Variants in SLC2A9 observed in about 807,000 individuals in gnomAD.
SLC2A9 encodes solute carrier family 2 member 9, also known as solute carrier family 2, facilitated glucose transporter member 9.
A neutral mutation model predicts 50.6 loss-of-function variants in SLC2A9; 39 were observed. That is an observed-to-expected ratio of 0.77 (90% CI 0.60 to 1.01). SLC2A9 has a LOEUF of 1.01. Ranked by LOEUF, SLC2A9 falls within the 50% of genes least tolerant of loss-of-function variation. SLC2A9 has a pLI of 0.00. For synonymous variants in SLC2A9, 324 were observed against 276.9 expected (o/e 1.17, Z -1.69); for missense variants, 686 against 677.6 (o/e 1.01, Z -0.14).
At chr4:9,930,193 T>C (rs1745645597) in intron 6 of SLC2A9, among the ~76,000 whole-genome samples, 2 of 152,154 alleles carry the variant, frequency 1.3e-5, no homozygotes, top group African/African-American at 4.8e-5. Flanking sequence ...TCATCTGAAA[T>C]TGAAAGACAC....
chr4:9,912,082 T>C lies in SLC2A9; in HGVS notation c.1003-3737A>G, dbSNP rs147246361. Among the ~76,000 whole-genome samples the C allele has an allele frequency of 2.2e-3, 334 of 152,196 alleles. 12 individuals are homozygous for C. The East Asian group carries it at 0.06, about 27-fold the overall frequency. Reference sequence around the variant, plus strand: ...GCATATTCTCACTCATAGGTGGGAATTGAACAATAAGAACACATGGACACA... The same window carrying C: ...GCATATTCTCACTCATAGGTGGGAACTGAACAATAAGAACACATGGACACA... On this transcript the variant is annotated intron_variant, in intron 7 of 11. Coordinates refer to ENST00000264784, the MANE Select transcript of SLC2A9 (RefSeq NM_020041.3).
upstream of SLC2A9, among the ~76,000 whole-genome samples, chr4:10,024,588 T>C (rs1763692958): frequency 2.0e-5 from 3 of 152,176 alleles, no homozygotes; most frequent in South Asian, 6.2e-4. Context: ...AGACAATACA[T>C]TTCTGTTGTT....
At chr4:9,893,435 C>T (rs1010780979) in intron 8 of SLC2A9, among the ~76,000 whole-genome samples, 5 of 151,914 alleles carry the variant, frequency 3.3e-5, no homozygotes, top group African/African-American at 1.2e-4. Flanking sequence ...TTCAAGAATA[C>T]TGAGGGACAG....
At chr4:9,940,801 ATACT>A (rs1222624958) in intron 6 of SLC2A9, among the ~76,000 whole-genome samples, 29 of 152,246 alleles carry the variant, frequency 1.9e-4, no homozygotes, top group African/African-American at 6.3e-4. Context: ...AACTCAGAAA[ATACT>A]TAGGTAGTGT....
intron 3 of SLC2A9, among the ~76,000 whole-genome samples, chr4:9,800,125 AG>A (rs1721192275): frequency 6.6e-6 from 1 of 152,180 alleles, no homozygotes; most frequent in Non-Finnish European, 1.5e-5. Context: ...CATTTCTCCC[AG>A]GAAAGGGCCT....
intron 8 of SLC2A9, among the ~76,000 whole-genome samples, chr4:9,899,773 A>G (rs2109886140): frequency 6.6e-6 from 1 of 152,308 alleles, no homozygotes; most frequent in East Asian, 1.9e-4. Flanking sequence ...AAATGTCTTG[A>G]GATATTTCAG....
At chr4:9,838,328 G>A (rs1577464022) in intron 10 of SLC2A9, among the ~76,000 whole-genome samples, 1 of 152,028 alleles carries the variant, frequency 6.6e-6, no homozygotes, top group African/African-American at 2.4e-5. Flanking sequence ...TCTCTACAAG[G>A]AGAACTACAA....
At chr4:9,859,559 ACTGAAGCC>A (rs1365525894) in intron 10 of SLC2A9, among the ~76,000 whole-genome samples, 1 of 152,206 alleles carries the variant, frequency 6.6e-6, no homozygotes, top group Non-Finnish European at 1.5e-5. Flanking sequence ...GAGCATAGAG[ACTGAAGCC>A]CTTGTTCAGA....
chr4:9,841,757 G>A (rs1227006507), intron 10 of SLC2A9, among the ~76,000 whole-genome samples: 2 of 152,086 alleles, frequency 1.3e-5, no homozygotes, highest in Non-Finnish European at 2.9e-5. Flanking sequence ...GTTGTCAGGG[G>A]CATATTCTAC....
chr4:9,802,196 G>A (rs1420362843), intron 3 of SLC2A9, among the ~76,000 whole-genome samples: 1 of 152,062 alleles, frequency 6.6e-6, no homozygotes, highest in Non-Finnish European at 1.5e-5. Flanking sequence ...AGGGATGTAT[G>A]TGTACATATT....
chr4:10,007,096 T>C (rs1465405411), intron 2 of SLC2A9, among the ~76,000 whole-genome samples: 1 of 152,230 alleles, frequency 6.6e-6, no homozygotes, highest in Non-Finnish European at 1.5e-5. Flanking sequence ...GTTCCACCAC[T>C]GTGATCAGTC....
chr4:10,014,379 A>G (rs1219261985), intron 2 of SLC2A9, among the ~76,000 whole-genome samples: 1 of 152,204 alleles, frequency 6.6e-6, no homozygotes, highest in Non-Finnish European at 1.5e-5. Context: ...GATTCTGTGC[A>G]GGCCTGCTCA....
chr4:9,776,036 G>T (rs62293226), downstream of SLC2A9, among the ~76,000 whole-genome samples: 1 of 152,056 alleles, frequency 6.6e-6, no homozygotes, highest in East Asian at 1.9e-4. Context: ...CCATAATCTC[G>T]CTCCCTAGCC....
intron 10 of SLC2A9, among the ~76,000 whole-genome samples, chr4:9,841,149 G>A (rs1385065619): frequency 6.6e-6 from 1 of 152,144 alleles, no homozygotes; most frequent in Non-Finnish European, 1.5e-5. Flanking sequence ...GTAGAACATA[G>A]CATATCCCTT....
intron 1 of SLC2A9, among the ~76,000 whole-genome samples, chr4:10,019,598 T>C (rs1299854850): frequency 6.6e-6 from 1 of 152,234 alleles, no homozygotes; most frequent in Non-Finnish European, 1.5e-5. Flanking sequence ...CTGGCTGCAG[T>C]GCCCCTCTAG....
intron 2 of SLC2A9, among the ~76,000 whole-genome samples, chr4:10,008,668 C>T (rs1185555934): frequency 6.6e-6 from 1 of 152,154 alleles, no homozygotes; most frequent in Non-Finnish European, 1.5e-5. Flanking sequence ...TTAGATGACA[C>T]ATTAAAAGCG....
chr4:9,945,843 G>A (rs769449738), intron 5 of SLC2A9, among the ~76,000 whole-genome samples: 9 of 152,222 alleles, frequency 5.9e-5, no homozygotes, highest in Non-Finnish European at 1.2e-4. Flanking sequence ...GCACACAGTA[G>A]TGGTTCAATA....
intron 10 of SLC2A9, among the ~76,000 whole-genome samples, chr4:9,886,313 C>T (rs754221791): frequency 7.2e-5 from 11 of 152,208 alleles, no homozygotes; most frequent in Non-Finnish European, 1.2e-4. Flanking sequence ...TTACTCCTCG[C>T]GTCCACTGTA....
At chr4:9,776,797 C>G (rs548045132), downstream of SLC2A9, among the ~76,000 whole-genome samples, 8 of 152,290 alleles carry the variant, frequency 5.3e-5, no homozygotes, top group South Asian at 8.3e-4. Flanking sequence ...TAGTTATTGT[C>G]CAGTTCAGAG....
Sources: gnomAD v4.1 joint callset for allele counts (sites outside exome capture counted in the v4.1 genomes callset) on GRCh38, gnomAD v4.1.1 for gene constraint, MANE v1.5 for transcripts, NCBI Gene and HGNC (gene_info 2026-07-23, HGNC 2026-07-21) for gene names.